The following SLC26A5 variants were observed in gnomAD, a reference collection of about 807,000 sequenced individuals.
SLC26A5 encodes solute carrier family 26 member 5.
Under a neutral mutation model 81.0 loss-of-function variants are expected in SLC26A5, and 51 were observed. The ratio of observed to expected loss-of-function variants is 0.63; its 90% CI spans 0.50 to 0.80. The LOEUF is 0.80. SLC26A5 is among the 30% of genes least tolerant of loss of function. The probability of loss-of-function intolerance (pLI) is 0.00; values close to 1 mark genes in which losing one functional copy is unlikely to be tolerated. For missense variants in SLC26A5, 771 were observed against 905.8 expected (o/e 0.85, Z 1.91); for synonymous variants, 325 against 332.8 (o/e 0.98, Z 0.25).
intron 9 of SLC26A5, 143 bp downstream of exon 9, chr7:103,397,789 G>A (rs1179065759): frequency 1.6e-6 from 1 of 636,412 alleles, no homozygotes. Flanking sequence ...AAAATAAAAT[G>A]CACCCAATCC....
chr7:103,410,190 T>C (rs1362020511), intron 7 of SLC26A5, among the ~76,000 whole-genome samples, 195 bp downstream of exon 7: 1 of 152,194 alleles, frequency 6.6e-6, no homozygotes, highest in Non-Finnish European at 1.5e-5. Context: ...CACATATTAA[T>C]AACAGAGATT....
intron 19 of SLC26A5, chr7:103,362,711 C>A: frequency 6.2e-7 from 1 of 1,604,826 alleles, no homozygotes; most frequent in South Asian, 1.1e-5. Flanking sequence ...ATATCAAATT[C>A]ACATTCCATT....
In SLC26A5 at chr7:103,392,636, G is replaced by A. The variant is rs184502125; in HGVS notation, c.1119+283C>T. The stretch of plus-strand genomic sequence containing the variant: ...TCTGTCGCCCAGGCTGGAGTGCAGC[G>A]GCGCGACCTCGGCTCACTGCAAGCT... On this transcript the variant is annotated intron_variant, in intron 10 of 19. Coordinates refer to ENST00000306312, the MANE Select transcript of SLC26A5 (RefSeq NM_198999.3). 3.3e-5 allele frequency among the ~76,000 whole-genome samples: 5 copies of A among 152,256 alleles called. No homozygotes were observed. In the East Asian group the frequency reaches 9.7e-4, roughly 29 times the overall value.
Position 103,378,491 on chromosome 7 carries a change from CT to C in SLC26A5, c.1739del (p.Lys580ArgfsTer20). The C allele has an allele frequency of 6.2e-7, 1 of 1,614,178 alleles. No homozygotes were observed. Among genetic ancestry groups the C allele is most frequent in the Non-Finnish European group, 8.5e-7 (1 of 1,180,008 alleles). On this transcript the variant is annotated frameshift_variant, in exon 17 of 20. Transcript: ENST00000306312. LOFTEE classifies it high-confidence loss of function. ...ARRKAMRKYA[K>X]EVGNANMANA... The stretch of plus-strand genomic sequence containing the variant: ...TGGCCATATTTGCATTTCCGACTTC[CT>C]TAGCGTACTTCCGCATGGCCTTTCT...
intron 19 of SLC26A5, chr7:103,362,724 C>A (rs1245452605): frequency 7.5e-6 from 12 of 1,606,276 alleles, no homozygotes; most frequent in Non-Finnish European, 8.5e-6. Flanking sequence ...ATTCCATTGC[C>A]TCCTAAGATT....
chr7:103,352,823 A>G, exon 20 of SLC26A5: 1 of 780,670 alleles, frequency 1.3e-6, no homozygotes. Context: ...CAGATTCCAG[A>G]GCTGGCATTC....
intron 1 of SLC26A5, among the ~76,000 whole-genome samples, chr7:103,444,539 C>G (rs1244856488): frequency 6.6e-6 from 1 of 152,240 alleles, no homozygotes; most frequent in Admixed American, 6.5e-5. Context: ...GAAACTTCCT[C>G]AGTCTTCCAT....
chr7:103,366,634 A>G (rs189042315), intron 19 of SLC26A5, among the ~76,000 whole-genome samples: 1 of 152,206 alleles, frequency 6.6e-6, no homozygotes, highest in Non-Finnish European at 1.5e-5. Context: ...TCATTCATAC[A>G]ACACCTATTT....
At chr7:103,442,846 A>T (rs1270568671) in intron 2 of SLC26A5, among the ~76,000 whole-genome samples, 4 of 152,212 alleles carry the variant, frequency 2.6e-5, no homozygotes, top group Non-Finnish European at 4.4e-5. Flanking sequence ...GCCACTCAAG[A>T]ATACTGTAAG....
intron 2 of SLC26A5, among the ~76,000 whole-genome samples, chr7:103,432,226 C>T (rs754442964): frequency 6.6e-6 from 1 of 152,154 alleles, no homozygotes; most frequent in Non-Finnish European, 1.5e-5. Context: ...GAAATATTAA[C>T]ATTTAAGTCT....
intron 19 of SLC26A5, 113 bp from the exon 20 acceptor site, chr7:103,374,705 C>CTT (rs1021508704): frequency 3.1e-4 from 255 of 812,610 alleles, no homozygotes; most frequent in Non-Finnish European, 3.6e-4. Flanking sequence ...TTTTTTGTTT[C>CTT]TTTTTTTTTT....
At chr7:103,364,424 G>A (rs1247599521) in intron 19 of SLC26A5, 1 of 1,186,878 alleles carries the variant, frequency 8.4e-7, no homozygotes, top group African/African-American at 1.5e-5. Context: ...TTTTTCTTTT[G>A]TTGAGACAGA....
intron 9 of SLC26A5, among the ~76,000 whole-genome samples, chr7:103,397,650 G>A (rs1164060429): frequency 6.6e-6 from 1 of 150,582 alleles, no homozygotes; most frequent in Admixed American, 6.6e-5. Context: ...CTGGGAGACG[G>A]AGGTTGCAGT....
intron 4 of SLC26A5, among the ~76,000 whole-genome samples, chr7:103,417,800 G>A (rs1825040341): frequency 6.6e-6 from 1 of 152,174 alleles, no homozygotes; most frequent in African/African-American, 2.4e-5. Flanking sequence ...CCAGGCTGGA[G>A]TGCAATGGCA....
intron 19 of SLC26A5, chr7:103,368,861 A>C (rs1347555268): frequency 1.3e-5 from 2 of 152,182 alleles, no homozygotes; most frequent in Admixed American, 1.3e-4. Context: ...ATTTTGGTAA[A>C]GTTTCTGTTA....
intron 19 of SLC26A5, chr7:103,362,761 A>G (rs759815970): frequency 6.4e-7 from 1 of 1,574,286 alleles, no homozygotes; most frequent in Non-Finnish European, 8.7e-7. Context: ...TGATGCAGGT[A>G]AGAAACTATG....
intron 19 of SLC26A5, among the ~76,000 whole-genome samples, chr7:103,364,968 T>TATATATATATATATATAC (rs1272475388): frequency 1.0e-4 from 15 of 144,102 alleles, no homozygotes; most frequent in Non-Finnish European, 2.0e-4. Context: ...CATATATATA[T>TATATATATATATATATAC]ATATATATAT....
At chr7:103,399,995 A>T (rs1823454076) in intron 8 of SLC26A5, among the ~76,000 whole-genome samples, 1 of 151,998 alleles carries the variant, frequency 6.6e-6, no homozygotes, top group Non-Finnish European at 1.5e-5. Flanking sequence ...GTTGGTTCCA[A>T]GTCTTTGCTA....
chr7:103,391,507 TG>T, intron 11 of SLC26A5, 114 bp downstream of exon 11: 1 of 815,660 alleles, frequency 1.2e-6, no homozygotes, highest in South Asian at 1.5e-5. Flanking sequence ...CACAGCTCAC[TG>T]GAGCATGGAT....
Sources: gnomAD v4.1 joint callset for allele counts (sites outside exome capture counted in the v4.1 genomes callset) on GRCh38, gnomAD v4.1.1 for gene constraint, MANE v1.5 for transcripts, NCBI Gene and HGNC (gene_info 2026-07-23, HGNC 2026-07-21) for gene names.